Variants in SEC24B observed in about 807,000 individuals in gnomAD.
The protein encoded by SEC24B is SEC24 homolog B, COPII component.
A neutral mutation model predicts 142.8 loss-of-function variants in SEC24B; 45 were observed. That is an observed-to-expected ratio of 0.32 (90% CI 0.25 to 0.40). The LOEUF (loss-of-function observed/expected upper bound fraction) is 0.40, where lower values mean the gene tolerates loss of function less well. SEC24B is among the 10% of genes least tolerant of loss of function. The pLI, the probability that SEC24B is intolerant of heterozygous loss-of-function variation, is 1.00. For synonymous variants in SEC24B, 574 were observed against 568.2 expected (o/e 1.01, Z -0.15); for missense variants, 1,409 against 1,526.8 (o/e 0.92, Z 1.29).
intron 1 of SEC24B, 120 bp from the exon 2 acceptor site, chr4:109,462,781 A>G (rs1263407050): frequency 1.2e-5 from 10 of 805,288 alleles, no homozygotes; most frequent in Non-Finnish European, 2.0e-5. Flanking sequence ...AACAGTGTAT[A>G]CCTTTTGTAA....
intron 18 of SEC24B, 74 bp from the exon 19 acceptor site, chr4:109,530,215 G>T (rs138252971): frequency 0.027 from 34,224 of 1,280,668 alleles, 592 homozygotes; most frequent in Non-Finnish European, 0.032. Flanking sequence ...TAAATAATGC[G>T]TATAAATTTT....
chr4:109,498,340 T>C lies in SEC24B; in HGVS notation c.1488+3484T>C, dbSNP rs116209863. 5.4e-3 allele frequency among the ~76,000 whole-genome samples: 818 copies of C among 152,270 alleles called. 13 individuals carry two copies. The highest frequency in any genetic ancestry group is 0.018 in the African/African-American group (757 of 41,566). Reference sequence around the variant, plus strand: ...ATAAATTTTCATCGAAGATTAAAATTATCAAACTTTTTTAAAAGAAGCCTT... The same window carrying C: ...ATAAATTTTCATCGAAGATTAAAATCATCAAACTTTTTTAAAAGAAGCCTT... On this transcript the variant is annotated intron_variant, in intron 6 of 23. Coordinates refer to ENST00000265175, the MANE Select transcript of SEC24B (RefSeq NM_006323.5).
At chr4:109,510,552 G>A (rs1292199335) in intron 8 of SEC24B, among the ~76,000 whole-genome samples, 1 of 152,120 alleles carries the variant, frequency 6.6e-6, no homozygotes, top group African/African-American at 2.4e-5. Context: ...GAATGGCCCT[G>A]GAAGGTAGAT....
Position 109,539,793 on chromosome 4 carries a change from C to CACTCT in SEC24B, c.*119_*123dup, listed in dbSNP as rs1215048552. The CACTCT allele has an allele frequency of 3.0e-6, 2 of 658,894 alleles. No homozygotes were observed. The highest frequency in any genetic ancestry group is 5.3e-6 in the Non-Finnish European group (2 of 379,898). The allele number at this position is 658,894 out of a possible 1,614,324, so 40.8% of individuals were successfully genotyped here. ...TGTTAATACAAGATGCAACGCACAG[C>CACTCT]ACTCTGTCTGAGGCTTTGGTAAAAA... On this transcript the variant is annotated 3_prime_UTR_variant, in exon 24 of 24. Transcript: ENST00000265175.
At chr4:109,504,845 T>C (rs1162302271) in intron 6 of SEC24B, among the ~76,000 whole-genome samples, 3 of 152,164 alleles carry the variant, frequency 2.0e-5, no homozygotes, top group African/African-American at 7.2e-5. Context: ...GTGATTTTTC[T>C]GAATTTATCA....
chr4:109,470,895 G>T (rs1214202229), intron 2 of SEC24B, among the ~76,000 whole-genome samples: 1 of 152,136 alleles, frequency 6.6e-6, no homozygotes, highest in Non-Finnish European at 1.5e-5. Context: ...AATGTCTAGA[G>T]ATACTTATAT....
rs1158157534 is a variant in SEC24B, at chr4:109,434,035, C to T, written c.133+33C>T. On this transcript the variant is annotated intron_variant, in intron 1 of 23. Transcript: ENST00000265175. ...GGGCGGCCCGGGCGGAGCGCGGGGC[C>T]TAGCACCGGCTGGGCGGCCTGCACG... is the stretch of plus-strand genomic sequence containing the variant. The T allele has an allele frequency of 1.0e-5, 11 of 1,080,878 alleles. No individual in the cohort carries two copies. In the Admixed American group the frequency reaches 3.2e-4, roughly 31 times the overall value. The allele number at this position is 1,080,878 out of a possible 1,614,324, so 67.0% of individuals were successfully genotyped here.
At chr4:109,445,410 ATTTTTTTT>A (rs59451230) in intron 1 of SEC24B, among the ~76,000 whole-genome samples, 2 of 123,806 alleles carry the variant, frequency 1.6e-5, no homozygotes, top group African/African-American at 6.2e-5. Context: ...CGCCCAGCTA[ATTTTTTTT>A]TTTTTTTTTT....
In SEC24B at chr4:109,443,203, A is replaced by ATCT. The variant is rs1729098796; in HGVS notation, c.133+9201_133+9202insTCT. ...AAGCAATCTGACAATCTGAAGATAAAGTATTAATCTTCTGCCACCAAATCT... is the reference window on the plus strand; with the variant it reads ...AAGCAATCTGACAATCTGAAGATAAATCTGTATTAATCTTCTGCCACCAAATCT... On this transcript the variant is annotated intron_variant, in intron 1 of 23. Coordinates refer to ENST00000265175, the MANE Select transcript of SEC24B (RefSeq NM_006323.5). Among the ~76,000 whole-genome samples, 13 of 152,290 alleles carry ATCT rather than the reference A, an allele frequency of 8.5e-5. No homozygotes were observed. In the South Asian group the frequency reaches 2.7e-3, roughly 32 times the overall value.
chr4:109,474,570 G>A (rs1056521313), intron 3 of SEC24B, among the ~76,000 whole-genome samples: 3 of 151,828 alleles, frequency 2.0e-5, no homozygotes, highest in Non-Finnish European at 2.9e-5. Flanking sequence ...GATTACAGGC[G>A]CACGCCACCT....
In SEC24B at chr4:109,501,538, G is replaced by A. The variant is rs538487596; in HGVS notation, c.1489-4790G>A. On this transcript the variant is annotated intron_variant, in intron 6 of 23. Coordinates refer to ENST00000265175, the MANE Select transcript of SEC24B (RefSeq NM_006323.5). Reference sequence around the variant, plus strand: ...CAAGCTGGAATGCAATGGCAGGATCGCGGCTCACTGCAACCTCTGCCTTCC... The same window carrying A: ...CAAGCTGGAATGCAATGGCAGGATCACGGCTCACTGCAACCTCTGCCTTCC... 8.3e-4 allele frequency among the ~76,000 whole-genome samples: 126 copies of A among 152,298 alleles called. 1 individual carries two copies. Among genetic ancestry groups the A allele is most frequent in the African/African-American group, 2.8e-3 (118 of 41,568 alleles).
In SEC24B at chr4:109,539,743, G is replaced by T. The variant is rs891172231; in HGVS notation, c.*68G>T. ...AAAGCATAATCTGTCAGAGAAGCGC[G>T]TGAGAAATTTGAAATGAAGGCATTT... On this transcript the variant is annotated 3_prime_UTR_variant, in exon 24 of 24. Transcript: ENST00000265175. 90 of 1,044,426 alleles carry T rather than the reference G, an allele frequency of 8.6e-5. No individual in the cohort carries two copies. Among genetic ancestry groups the T allele is most frequent in the Non-Finnish European group, 1.3e-4 (87 of 688,458 alleles). The allele number at this position is 1,044,426 out of a possible 1,614,324, so 64.7% of individuals were successfully genotyped here.
At chr4:109,478,805 C>T (rs959230965) in intron 3 of SEC24B, among the ~76,000 whole-genome samples, 1 of 152,162 alleles carries the variant, frequency 6.6e-6, no homozygotes, top group Admixed American at 6.5e-5. Context: ...GTCATTAACA[C>T]GGGCACTTTT....
At position 109,508,756 on chromosome 4, in the gene SEC24B, AATTT is replaced by A. The variant is rs1272800258; in HGVS notation, c.1674-1247_1674-1244del. Among the ~76,000 whole-genome samples, 14 of 152,216 alleles carry A rather than the reference AATTT, an allele frequency of 9.2e-5. No homozygotes were observed. The South Asian group carries it at 2.3e-3, about 25-fold the overall frequency. On this transcript the variant is annotated intron_variant, in intron 7 of 23. Coordinates refer to ENST00000265175, the MANE Select transcript of SEC24B (RefSeq NM_006323.5). ...GACCTAAGTAGCTGTGAAACTGTGC[AATTT>A]ATTTAACCTCTCAAAGTCTCAGTTT...
intron 2 of SEC24B, among the ~76,000 whole-genome samples, chr4:109,469,855 A>G (rs968296421): frequency 6.6e-6 from 1 of 152,212 alleles, no homozygotes; most frequent in African/African-American, 2.4e-5. Flanking sequence ...AAAGAAAAAC[A>G]TAAGCTGCGA....
chr4:109,483,040 ATATG>A (rs1359833685), intron 4 of SEC24B, among the ~76,000 whole-genome samples: 1 of 82,970 alleles, frequency 1.2e-5, no homozygotes. Context: ...GTATTTATAT[ATATG>A]TATTTATGTA....
chr4:109,512,123 C>T, intron 9 of SEC24B, 40 bp downstream of exon 9: 1 of 1,534,392 alleles, frequency 6.5e-7, no homozygotes, highest in Non-Finnish European at 8.8e-7. Context: ...ATCCTATTTT[C>T]AGGTTTTTTT....
chr4:109,516,000 A>C (rs1036207974), intron 10 of SEC24B, among the ~76,000 whole-genome samples: 20 of 152,160 alleles, frequency 1.3e-4, no homozygotes, highest in African/African-American at 4.8e-4. Flanking sequence ...GTGAGCCAAG[A>C]CTGCACCACT....
intron 4 of SEC24B, among the ~76,000 whole-genome samples, chr4:109,489,685 A>G (rs1734804372): frequency 6.8e-6 from 1 of 148,100 alleles, no homozygotes; most frequent in African/African-American, 2.5e-5. Flanking sequence ...TGATATATAC[A>G]TATGATAATA....
Sources: allele counts gnomAD v4.1 joint callset (sites outside exome capture counted in the v4.1 genomes callset), GRCh38; gene constraint gnomAD v4.1.1; transcripts MANE v1.5; gene names NCBI Gene and HGNC (gene_info 2026-07-23, HGNC 2026-07-21).